SYN3: variants seen among roughly 807,000 people sequenced by gnomAD.
SYN3 encodes synapsin-3.
SYN3 carries 35 observed loss-of-function variants against 65.8 expected under a neutral mutation model. That is an observed-to-expected ratio of 0.53 (90% CI 0.41 to 0.70). The LOEUF is 0.70. Among genes scored for constraint, SYN3 ranks in the 30% least tolerant of loss-of-function variants. SYN3 has a pLI of 0.00. For synonymous variants in SYN3, 270 were observed against 292.9 expected (o/e 0.92, Z 0.80); for missense variants, 680 against 749.0 (o/e 0.91, Z 1.08).
intron 4 of SYN3, among the ~76,000 whole-genome samples, chr22:32,905,033 G>A (rs966957711): frequency 6.6e-6 from 1 of 152,082 alleles, no homozygotes; most frequent in African/African-American, 2.4e-5. Flanking sequence ...TCCCCTCTCT[G>A]AGCTTCAGTT....
At chr22:33,012,961 T>G (rs1484896916) in intron 1 of SYN3, among the ~76,000 whole-genome samples, 1 of 152,240 alleles carries the variant, frequency 6.6e-6, no homozygotes, top group Non-Finnish European at 1.5e-5. Flanking sequence ...TTTTAAAGAT[T>G]TTTTCCAAAG....
At chr22:32,881,202 G>A (rs540935519) in intron 4 of SYN3, among the ~76,000 whole-genome samples, 6 of 152,340 alleles carry the variant, frequency 3.9e-5, no homozygotes, top group South Asian at 2.1e-4. Context: ...CGGCTGGAAC[G>A]GATGCTGGGG....
intron 6 of SYN3, among the ~76,000 whole-genome samples, chr22:32,637,130 G>A (rs1030039901): frequency 2.6e-5 from 4 of 152,180 alleles, no homozygotes; most frequent in African/African-American, 9.7e-5. Flanking sequence ...CTGCAGGGAG[G>A]AAGACGGTTG....
In SYN3 at chr22:32,801,257, T is replaced by C. The variant is rs757584302; in HGVS notation, c.711+63658A>G. Reference sequence around the variant, plus strand: ...GAAACTGGAGGGGTAGCAGTTAGCATTCCCCCGCTGGTTCCACCAAGCACA... The same window carrying C: ...GAAACTGGAGGGGTAGCAGTTAGCACTCCCCCGCTGGTTCCACCAAGCACA... On this transcript the variant is annotated intron_variant, in intron 6 of 13. Coordinates refer to ENST00000358763, the MANE Select transcript of SYN3 (RefSeq NM_003490.4). The surrounding 1 kb of genome is among the most constrained non-coding windows in gnomAD (Gnocchi z 4.7). Among the ~76,000 whole-genome samples, 2 of 152,226 alleles carry C rather than the reference T, an allele frequency of 1.3e-5. No homozygotes were observed. Among genetic ancestry groups the C allele is most frequent in the African/African-American group, 2.4e-5 (1 of 41,468 alleles).
At chr22:32,700,366 C>T (rs1015977836) in intron 6 of SYN3, among the ~76,000 whole-genome samples, 4 of 152,158 alleles carry the variant, frequency 2.6e-5, no homozygotes, top group East Asian at 1.9e-4. Context: ...ACTCCAGCTC[C>T]AGGATAGGAT....
intron 2 of SYN3, among the ~76,000 whole-genome samples, chr22:33,005,074 T>G (rs1270326752): frequency 6.6e-6 from 1 of 152,206 alleles, no homozygotes; most frequent in Non-Finnish European, 1.5e-5. Flanking sequence ...TGCCACCCTA[T>G]GAAGAGGTGC....
intron 6 of SYN3, among the ~76,000 whole-genome samples, chr22:32,650,396 A>C (rs1282976504): frequency 6.6e-6 from 1 of 151,836 alleles, no homozygotes; most frequent in Non-Finnish European, 1.5e-5. Flanking sequence ...CCTCCCGAGT[A>C]GCTGGTACCA....
chr22:32,657,290 A>AT (rs1447833338), intron 6 of SYN3, among the ~76,000 whole-genome samples: 1 of 151,884 alleles, frequency 6.6e-6, no homozygotes, highest in African/African-American at 2.4e-5. Flanking sequence ...CACCCGGCTG[A>AT]TTTTTTGTAT....
At chr22:32,962,937 CTT>C (rs559480386) in intron 3 of SYN3, among the ~76,000 whole-genome samples, 11 of 150,770 alleles carry the variant, frequency 7.3e-5, no homozygotes, top group Non-Finnish European at 1.5e-4. Flanking sequence ...AATAATGACT[CTT>C]AAACAATTTC....
intron 6 of SYN3, among the ~76,000 whole-genome samples, chr22:32,647,371 T>C (rs962138982): frequency 6.6e-6 from 1 of 152,126 alleles, no homozygotes; most frequent in Non-Finnish European, 1.5e-5. Flanking sequence ...TGCTTGAAAA[T>C]AGCATCAACA....
rs529348623 is a variant in SYN3 at position 32,990,281 on chromosome 22, CATCCATGAATCCATCCATGA to C, written c.312-9599_312-9580del. ...CCACCCAACTACCCATCCATGAATCCATCCATGAATCCATCCATGAATCCATCCATCCATCCATCCATCCA... is the reference window on the plus strand; with the variant it reads ...CCACCCAACTACCCATCCATGAATCCATCCATCCATCCATCCATCCATCCA... On this transcript the variant is annotated intron_variant, in intron 2 of 13. Coordinates refer to ENST00000358763, the MANE Select transcript of SYN3 (RefSeq NM_003490.4). Among the ~76,000 whole-genome samples, 1,083 of 141,864 alleles carry C rather than the reference CATCCATGAATCCATCCATGA, an allele frequency of 7.6e-3. 15 individuals carry two copies. The highest frequency in any genetic ancestry group is 0.032 in the African/African-American group (1,026 of 32,322). The allele number at this position is 141,864 out of a possible 152,430, so 93.1% of individuals were successfully genotyped here. A position where few individuals can be genotyped will look rare whatever the true frequency, so the allele number is the denominator to read the frequency against.
intron 2 of SYN3, among the ~76,000 whole-genome samples, chr22:32,992,078 G>A (rs564403278): frequency 6.7e-6 from 1 of 148,302 alleles, no homozygotes; most frequent in East Asian, 2.0e-4. Flanking sequence ...GTCACTTGGA[G>A]GGCCTGGGCC....
rs1422472998 is a variant in SYN3 at position 32,512,644 on chromosome 22, A to G, written c.*1048T>C. ...AATGCGTCTCCAAAAAAAGAAATAC[A>G]AACAGCGGTTCCTAAACATATTTGG... On this transcript the variant is annotated 3_prime_UTR_variant, in exon 14 of 14. Transcript: ENST00000358763. 6.6e-6 allele frequency: 1 copy of G among 152,276 alleles called. No homozygotes were observed. The highest frequency in any genetic ancestry group is 2.4e-5 in the African/African-American group (1 of 41,480). The allele number at this position is 152,276 out of a possible 1,614,324, so 9.4% of individuals were successfully genotyped here.
chr22:32,680,661 C>T (rs1422370006), intron 6 of SYN3, among the ~76,000 whole-genome samples: 1 of 152,160 alleles, frequency 6.6e-6, no homozygotes, highest in Admixed American at 6.5e-5. Flanking sequence ...TAGGTTTCAT[C>T]CTTTGGATTC....
Position 32,528,065 on chromosome 22 carries a change from A to G in SYN3, c.1231-60T>C, listed in dbSNP as rs2058010459. ...ACCACAGCCCTTTACTTCCTGGGTG[A>G]GAGGGCAGCATTTATGAAGATCTTT... is the stretch of plus-strand genomic sequence containing the variant. On this transcript the variant is annotated intron_variant, in intron 11 of 13. Coordinates refer to ENST00000358763, the MANE Select transcript of SYN3 (RefSeq NM_003490.4). 3.9e-6 allele frequency: 5 copies of G among 1,288,860 alleles called. No homozygotes were observed. In the Admixed American group the frequency reaches 1.1e-4, roughly 29 times the overall value. 79.8% of individuals were successfully genotyped at this position (1,288,860 alleles called of 1,614,324 possible).
At chr22:32,714,554 G>A (rs1453616860) in intron 6 of SYN3, among the ~76,000 whole-genome samples, 2 of 151,962 alleles carry the variant, frequency 1.3e-5, no homozygotes, top group Non-Finnish European at 2.9e-5. Flanking sequence ...GACCAGCTGA[G>A]ACTTTCAGTA....
At position 32,543,530 on chromosome 22, in the gene SYN3, A is replaced by G. The variant is rs375443393; in HGVS notation, c.775-1817T>C. ...CAGAGAAAATAAAGGTGACCAGGCA[A>G]GAGTTCCCTATTTTCCAGCCCTTTT... On this transcript the variant is annotated intron_variant, in intron 7 of 13. Transcript: ENST00000358763. Among the ~76,000 whole-genome samples the G allele has an allele frequency of 4.1e-4, 63 of 152,302 alleles. 1 individual carries two copies. The highest frequency in any genetic ancestry group is 1.5e-3 in the African/African-American group (63 of 41,574).
chr22:32,666,961 G>T (rs1470322408), intron 6 of SYN3, among the ~76,000 whole-genome samples: 2 of 152,132 alleles, frequency 1.3e-5, no homozygotes, highest in African/African-American at 4.8e-5. Context: ...TCCTTTGTCT[G>T]TTTCTCTGAA....
intron 6 of SYN3, among the ~76,000 whole-genome samples, chr22:32,624,549 T>A (rs1319886997): frequency 1.3e-5 from 2 of 152,240 alleles, no homozygotes; most frequent in African/African-American, 4.8e-5. Context: ...ATCTAACACC[T>A]GTAGGGACCT....
Sources: gnomAD v4.1 joint callset for allele counts (sites outside exome capture counted in the v4.1 genomes callset) on GRCh38, gnomAD v4.1.1 for gene constraint, Gnocchi (gnomAD v3.1) non-coding constraint, MANE v1.5 for transcripts, NCBI Gene and HGNC (gene_info 2026-07-23, HGNC 2026-07-21) for gene names.